PNPLA6: variants seen among roughly 807,000 people sequenced by gnomAD.
The protein encoded by PNPLA6 is patatin-like phospholipase domain-containing protein 6.
Under a neutral mutation model 153.7 loss-of-function variants are expected in PNPLA6, and 105 were observed. The observed-to-expected ratio is 0.68, with a 90% CI of 0.58 to 0.80. The LOEUF (loss-of-function observed/expected upper bound fraction) is 0.80, where lower values mean the gene tolerates loss of function less well. PNPLA6 is among the 30% of genes least tolerant of loss of function. The pLI, the probability that PNPLA6 is intolerant of heterozygous loss-of-function variation, is 0.00. For missense variants in PNPLA6, 1,423 were observed against 1,919.3 expected, an observed-to-expected ratio of 0.74 and a Z score of 4.83; for synonymous variants, 825 against 822.2, an observed-to-expected ratio of 1.00 and a Z score of -0.06.
Position 7,556,689 on chromosome 19 carries a change from A to G in PNPLA6, c.3245A>G (p.Asp1082Gly). The change falls in exon 26 of 32, where the codon GAT (aspartate) becomes GGT (glycine). Residue 1082 changes from aspartate to glycine, a missense_variant. Coordinates refer to ENST00000600737, the MANE Select transcript of PNPLA6 (RefSeq NM_001166114.2). Reference protein sequence around the residue: ...LWLPYFNVTTDITASAMRVHK... With the variant: ...LWLPYFNVTTGITASAMRVHK... ...CTGCCTTACTTCAACGTGACCACAG[A>G]TATCACCGCCTCAGCCATGCGAGTC... 1 of 1,613,764 alleles carries G rather than the reference A, an allele frequency of 6.2e-7. No homozygotes were observed. The highest frequency in any genetic ancestry group is 1.1e-5 in the South Asian group (1 of 91,070).
At position 7,540,583 on chromosome 19, in the gene PNPLA6, G is replaced by C. The variant is rs991277737; in HGVS notation, c.715-47G>C. 1.4e-6 allele frequency: 2 copies of C among 1,447,658 alleles called. No homozygotes were observed. The highest frequency in any genetic ancestry group is 1.4e-5 in the African/African-American group (1 of 71,816). 89.7% of individuals were successfully genotyped at this position (1,447,658 alleles called of 1,614,324 possible). A position where few individuals can be genotyped will look rare whatever the true frequency, so the allele number is the denominator to read the frequency against. ...GGATGGATGAGGGGGCGACATGCCA[G>C]TCACCAGGGCGAGGCCACTGAGGGT... On this transcript the variant is annotated intron_variant, in intron 5 of 31. Coordinates refer to ENST00000600737, the MANE Select transcript of PNPLA6 (RefSeq NM_001166114.2). This position sits in a 1 kb window ranked among gnomAD's most constrained non-coding sequence, Gnocchi z 6.8.
intron 18 of PNPLA6, 47 bp downstream of exon 18, chr19:7,551,484 T>C (rs2023648298): frequency 2.7e-6 from 4 of 1,480,566 alleles, no homozygotes; most frequent in Non-Finnish European, 3.8e-6. Flanking sequence ...TAGTCCGGCG[T>C]CCAGAGCATG....
rs747703454 is a variant in PNPLA6 at position 7,541,431 on chromosome 19, C to T, written c.1002C>T (p.Ser334=). The T allele has an allele frequency of 3.7e-6, 6 of 1,613,646 alleles. No individual in the cohort carries two copies. The highest frequency in any genetic ancestry group is 3.3e-5 in the Admixed American group (2 of 59,996). Residue 334 remains serine, a synonymous_variant, in exon 8 of 32, where the codon AGC becomes AGT. Coordinates refer to ENST00000600737, the MANE Select transcript of PNPLA6 (RefSeq NM_001166114.2). The surrounding 1 kb of genome is among the most constrained non-coding windows in gnomAD (Gnocchi z 5.2). The stretch of plus-strand genomic sequence containing the variant: ...TGGGTCTGACCAATGAGCTCTTCAG[C>T]CACGTGAGTGGGTGGCGGGGAGCGA... ...NYLGLTNELF[S]HEIQPLRLFP...
At position 7,548,801 on chromosome 19, in the gene PNPLA6, C is replaced by CTTT. The variant is rs1159787936; in HGVS notation, c.1609-1089_1609-1087dup. Among the ~76,000 whole-genome samples the CTTT allele has an allele frequency of 1.7e-3, 111 of 67,210 alleles. 1 individual carries two copies. The East Asian group carries it at 0.028, about 17-fold the overall frequency. 44.1% of individuals were successfully genotyped at this position (67,210 alleles called of 152,430 possible). A position where few individuals can be genotyped will look rare whatever the true frequency, so the allele number is the denominator to read the frequency against. ...ATATAATCTATGTAAAAAAATTTTT[C>CTTT]TTTTTTTTTTTTTTTTTTTGAGACG... On this transcript the variant is annotated intron_variant, in intron 13 of 31. Transcript: ENST00000600737.
chr19:7,535,838 T>C lies in PNPLA6; in HGVS notation c.50T>C (p.Val17Ala), dbSNP rs570742880. 554 of 1,537,012 alleles carry C rather than the reference T, an allele frequency of 3.6e-4. No individual in the cohort carries two copies. Among genetic ancestry groups the C allele is most frequent in the Non-Finnish European group, 4.6e-4 (528 of 1,146,936 alleles). ...GLATNSSGAK[V>A]AERDGFQDVL... Reference sequence around the variant, plus strand: ...GCTACGAACTCCTCGGGGGCGAAGGTGGCGGAGAGGGATGGGTTCCAGGAC... The same window carrying C: ...GCTACGAACTCCTCGGGGGCGAAGGCGGCGGAGAGGGATGGGTTCCAGGAC... The change falls in exon 1 of 32, where the codon GTG becomes GCG. Residue 17 changes from valine to alanine, a missense_variant. By Grantham distance (64) the Val-to-Ala change is moderately conservative. Transcript: ENST00000600737. This position sits in a 1 kb window ranked among gnomAD's most constrained non-coding sequence, Gnocchi z 5.0.
rs2146060616 is a variant in PNPLA6 at position 7,542,671 on chromosome 19, G to C, written c.1362+1G>C. The C allele has an allele frequency of 6.2e-7, 1 of 1,612,902 alleles. No individual in the cohort carries two copies. The highest frequency in any genetic ancestry group is 2.2e-5 in the East Asian group (1 of 44,868). On this transcript the variant is annotated splice_donor_variant, in intron 11 of 31. Transcript: ENST00000600737. LOFTEE classifies it high-confidence loss of function. Reference sequence around the variant, plus strand: ...GGGGTCCCTGGCAGCCCCCGCTCGGGTAAGGCTTGGGACCCTGCCCGGTGG... The same window carrying C: ...GGGGTCCCTGGCAGCCCCCGCTCGGCTAAGGCTTGGGACCCTGCCCGGTGG...
upstream of PNPLA6, chr19:7,535,614 T>TG (rs755847588): frequency 2.5e-5 from 40 of 1,591,586 alleles, no homozygotes; most frequent in South Asian, 1.8e-4. This position sits in a 1 kb window ranked among gnomAD's most constrained non-coding sequence, Gnocchi z 5.0. Context: ...GGTGCCGGCG[T>TG]GGGGCGCCAA....
In PNPLA6 at chr19:7,556,725, G is replaced by T. The variant is rs761167924; in HGVS notation, c.3280+1G>T. On this transcript the variant is annotated splice_donor_variant, in intron 26 of 31. Transcript: ENST00000600737. LOFTEE classifies it high-confidence loss of function. Reference sequence around the variant, plus strand: ...TCAGCCATGCGAGTCCACAAAGATGGTGGGTGTCCCCGCCCAGCCTGCAGC... The same window carrying T: ...TCAGCCATGCGAGTCCACAAAGATGTTGGGTGTCCCCGCCCAGCCTGCAGC... 3.7e-6 allele frequency: 6 copies of T among 1,611,242 alleles called. No homozygotes were observed. Among genetic ancestry groups the T allele is most frequent in the Non-Finnish European group, 1.7e-6 (2 of 1,177,472 alleles).
In PNPLA6 at chr19:7,543,007, G is replaced by A; in HGVS notation, c.1531G>A (p.Asp511Asn). The A allele has an allele frequency of 6.2e-7, 1 of 1,613,948 alleles. No individual in the cohort carries two copies. Among genetic ancestry groups the A allele is most frequent in the Non-Finnish European group, 8.5e-7 (1 of 1,179,988 alleles). ...QELAKLMRIEDPSLLNSRVLL... is the reference protein window; with the variant it reads ...QELAKLMRIENPSLLNSRVLL... ...CATCTCAACCCCCCTACCTCCCCAG[G>A]ACCCCTCCCTCCTGAACAGCAGAGT... The change falls in exon 13 of 32, where the codon GAC becomes AAC. Residue 511 changes from aspartate (D) to asparagine (N), a missense_variant and splice_region_variant. Asp to Asn is a conservative substitution (Grantham distance 23). Coordinates refer to ENST00000600737, the MANE Select transcript of PNPLA6 (RefSeq NM_001166114.2).
chr19:7,535,834 A>T lies in PNPLA6; in HGVS notation c.46A>T (p.Lys16Ter), dbSNP rs2146036792. The T allele has an allele frequency of 6.5e-7, 1 of 1,537,188 alleles. No individual in the cohort carries two copies. Among genetic ancestry groups the T allele is most frequent in the Non-Finnish European group, 8.7e-7 (1 of 1,146,928 alleles). ...HGLATNSSGA[K>*]VAERDGFQDV... ...GCTGGCTACGAACTCCTCGGGGGCG[A>T]AGGTGGCGGAGAGGGATGGGTTCCA... The change falls in exon 1 of 32, where the codon AAG (lysine) becomes TAG (stop). Residue 16 changes from lysine to a stop codon, truncating the protein, a stop_gained. Coordinates refer to ENST00000600737, the MANE Select transcript of PNPLA6 (RefSeq NM_001166114.2). LOFTEE classifies it high-confidence loss of function. This position sits in a 1 kb window ranked among gnomAD's most constrained non-coding sequence, Gnocchi z 5.0.
chr19:7,538,850 T>C (rs1568406236), intron 3 of PNPLA6, among the ~76,000 whole-genome samples: 1 of 152,238 alleles, frequency 6.6e-6, no homozygotes, highest in Non-Finnish European at 1.5e-5. Flanking sequence ...CTCAGGAATC[T>C]ACTCTGTGAC....
intron 13 of PNPLA6, 22 bp downstream of exon 13, chr19:7,543,106 T>A: frequency 6.3e-7 from 1 of 1,598,164 alleles, no homozygotes; most frequent in South Asian, 1.1e-5. Flanking sequence ...CCCTGACCTG[T>A]AACCATGCCA....
At chr19:7,556,858 C>A in intron 26 of PNPLA6, 134 bp downstream of exon 26, 1 of 750,472 alleles carries the variant, frequency 1.3e-6, no homozygotes, top group Non-Finnish European at 2.4e-6. Context: ...TCACCGACCA[C>A]TAACCGCCAC....
At chr19:7,536,591 G>C in intron 3 of PNPLA6, 45 bp downstream of exon 3, 1 of 1,298,884 alleles carries the variant, frequency 7.7e-7, no homozygotes, top group South Asian at 1.2e-5. Flanking sequence ...GTTATCTCAG[G>C]GGCCTTTTGA....
chr19:7,536,091 C>T, intron 1 of PNPLA6, 71 bp downstream of exon 1: 2 of 1,570,818 alleles, frequency 1.3e-6, no homozygotes, highest in Non-Finnish European at 1.7e-6. Context: ...CCCGAGGCGG[C>T]AGAGATGGGG....
intron 29 of PNPLA6, 94 bp from the exon 30 acceptor site, chr19:7,560,920 A>C: frequency 4.6e-6 from 4 of 865,602 alleles, no homozygotes; most frequent in Non-Finnish European, 7.7e-6. Flanking sequence ...CCACCCTAGG[A>C]TCTCCTCTGA....
rs1476661966 is a variant in PNPLA6 at position 7,542,874 on chromosome 19, CA to C, written c.1477del (p.Ser493AlafsTer14). The C allele has an allele frequency of 6.2e-7, 1 of 1,613,324 alleles. No individual in the cohort carries two copies. ...TCGGGCCCTACCAGGGCCGCCAGAC[CA>C]GCAGCATCTTCGAGGCAGCAAAGCA... is the stretch of plus-strand genomic sequence containing the variant. ...PFGPYQGRQT[S>X]SIFEAAKQEL... On this transcript the variant is annotated frameshift_variant, in exon 12 of 32. Transcript: ENST00000600737. LOFTEE classifies it high-confidence loss of function.
rs1019685884 is a variant in PNPLA6 at position 7,535,808 on chromosome 19, G to C, written c.20G>C (p.Gly7Ala). Residue 7 changes from glycine (G) to alanine (A), a missense_variant, in exon 1 of 32, where the codon GGG (glycine) becomes GCG (alanine). By Grantham distance (60) the Gly-to-Ala change is moderately conservative. This residue lies in a region of PNPLA6 where 109 missense variants were observed against 109.4 expected (regional missense o/e 1.00). Coordinates refer to ENST00000600737, the MANE Select transcript of PNPLA6 (RefSeq NM_001166114.2). The surrounding 1 kb of genome is among the most constrained non-coding windows in gnomAD (Gnocchi z 5.0). ...CTGCAGATGGGGACATCGAGTCACG[G>C]GCTGGCTACGAACTCCTCGGGGGCG... is the stretch of plus-strand genomic sequence containing the variant. MGTSSH[G>A]LATNSSGAKV... The C allele has an allele frequency of 2.6e-6, 4 of 1,536,480 alleles. No homozygotes were observed. The highest frequency in any genetic ancestry group is 2.7e-5 in the African/African-American group (2 of 73,040).
Position 7,545,485 on chromosome 19 carries a change from G to T in PNPLA6, c.1608+2401G>T, listed in dbSNP as rs183913403. Reference sequence around the variant, plus strand: ...TAAAGAAGGAATCTCTCCATTTCTGGGCGGTTTCAGTTCCTTATTTATAAA... The same window carrying T: ...TAAAGAAGGAATCTCTCCATTTCTGTGCGGTTTCAGTTCCTTATTTATAAA... On this transcript the variant is annotated intron_variant, in intron 13 of 31. Transcript: ENST00000600737. Among the ~76,000 whole-genome samples, 975 of 152,226 alleles carry T rather than the reference G, an allele frequency of 6.4e-3. 2 individuals are homozygous for T. The highest frequency in any genetic ancestry group is 0.01 in the Non-Finnish European group (700 of 68,006).
Sources: gnomAD v4.1 joint callset for allele counts (sites outside exome capture counted in the v4.1 genomes callset) on GRCh38, gnomAD v4.1.1 for gene constraint, gnomAD v4.1.1 regional missense constraint, Gnocchi (gnomAD v3.1) non-coding constraint, MANE v1.5 for transcripts, NCBI Gene and HGNC (gene_info 2026-07-23, HGNC 2026-07-21) for gene names.